MED27: variants seen among roughly 807,000 people sequenced by gnomAD.
The protein encoded by MED27 is mediator of RNA polymerase II transcription subunit 27.
In MED27, 30 loss-of-function variants were observed where a neutral mutation model predicts 38.2. That is an observed-to-expected ratio of 0.79 (90% confidence interval 0.59 to 1.07). MED27 has a LOEUF of 1.07. MED27 is among the 50% of genes least tolerant of loss of function. The pLI is 0.00. For missense variants in MED27, 289 were observed against 397.5 expected, an observed-to-expected ratio of 0.73 and a Z score of 2.32; for synonymous variants, 122 against 153.5, an observed-to-expected ratio of 0.79 and a Z score of 1.52.
chr9:132,072,176 G>A (rs1384236030), intron 2 of MED27, among the ~76,000 whole-genome samples: 4 of 152,192 alleles, frequency 2.6e-5, no homozygotes, highest in Non-Finnish European at 5.9e-5. Flanking sequence ...GTACTATCAC[G>A]ATGCCTGGTC....
Position 131,931,056 on chromosome 9 carries a change from G to C in MED27, c.573+8325C>G, listed in dbSNP as rs369387249. Among the ~76,000 whole-genome samples, 6 of 152,128 alleles carry C rather than the reference G, an allele frequency of 3.9e-5. No homozygotes were observed. The East Asian group carries it at 9.7e-4, about 25-fold the overall frequency. Reference sequence around the variant, plus strand: ...GCTCAGGAGTTCAAGATCAGCCTGGGTAACATGGTGAAACCTGTCTCTATC... The same window carrying C: ...GCTCAGGAGTTCAAGATCAGCCTGGCTAACATGGTGAAACCTGTCTCTATC... On this transcript the variant is annotated intron_variant, in intron 4 of 7. Transcript: ENST00000292035.
In MED27 at chr9:131,861,469, C is replaced by T. The variant is rs190472021; in HGVS notation, c.802-797G>A. Among the ~76,000 whole-genome samples, 21 of 152,260 alleles carry T rather than the reference C, an allele frequency of 1.4e-4. No homozygotes were observed. The highest frequency in any genetic ancestry group is 2.1e-4 in the South Asian group (1 of 4,822). On this transcript the variant is annotated intron_variant, in intron 7 of 7. Transcript: ENST00000292035. The surrounding 1 kb of genome is among the most constrained non-coding windows in gnomAD (Gnocchi z 4.4). ...AAAACTGTTATTTGAAGAGGTTGGC[C>T]GAGCTTATTGATACACATTCTTCCA... is the stretch of plus-strand genomic sequence containing the variant.
intron 3 of MED27, among the ~76,000 whole-genome samples, chr9:131,950,841 C>T (rs763482529): frequency 6.6e-5 from 10 of 152,132 alleles, no homozygotes; most frequent in African/African-American, 1.9e-4. Context: ...ATGTGGTGAA[C>T]GGGACTGATT....
chr9:132,055,227 TC>T (rs1833550761), intron 2 of MED27, among the ~76,000 whole-genome samples: 1 of 152,170 alleles, frequency 6.6e-6, no homozygotes. Context: ...TTCATTTCTG[TC>T]AGCAAACAGG....
At chr9:131,919,250 A>G (rs1341721588) in intron 4 of MED27, among the ~76,000 whole-genome samples, 1 of 152,234 alleles carries the variant, frequency 6.6e-6, no homozygotes, top group Admixed American at 6.5e-5. Context: ...TTAAGATGGA[A>G]GCATAGCACA....
chr9:131,920,468 C>T (rs1307012152), intron 4 of MED27, among the ~76,000 whole-genome samples: 2 of 152,194 alleles, frequency 1.3e-5, no homozygotes, highest in African/African-American at 4.8e-5. Context: ...CTACTATGTG[C>T]CAGGCATTCT....
chr9:131,983,127 G>A (rs7031925), intron 3 of MED27, among the ~76,000 whole-genome samples: 151,340 of 152,306 alleles, frequency 0.99, 75,196 homozygotes, highest in Middle Eastern at 1. Flanking sequence ...CATAATACTA[G>A]CCACTTTCTA....
intron 5 of MED27, among the ~76,000 whole-genome samples, chr9:131,885,623 T>A (rs748970532): frequency 7.9e-5 from 12 of 152,184 alleles, no homozygotes; most frequent in Non-Finnish European, 1.8e-4. Flanking sequence ...TCACACTTGG[T>A]CACACACAGG....
intron 4 of MED27, among the ~76,000 whole-genome samples, chr9:131,918,145 C>T (rs912789587): frequency 1.3e-5 from 2 of 152,188 alleles, no homozygotes; most frequent in Non-Finnish European, 2.9e-5. Flanking sequence ...ATGTTTTCCA[C>T]CTCTTTGGGA....
chr9:131,942,618 T>C (rs1564292357), intron 3 of MED27, among the ~76,000 whole-genome samples: 1 of 152,204 alleles, frequency 6.6e-6, no homozygotes, highest in African/African-American at 2.4e-5. Context: ...AATATGCAGA[T>C]CTTCAGCACA....
intron 3 of MED27, among the ~76,000 whole-genome samples, chr9:131,985,319 T>G (rs778744363): frequency 3.3e-5 from 5 of 152,218 alleles, no homozygotes; most frequent in Non-Finnish European, 7.3e-5. Context: ...TTTAGATATA[T>G]CTCCTGCTCC....
chr9:131,868,593 T>A (rs182654429), intron 6 of MED27: 12 of 985,450 alleles, frequency 1.2e-5, no homozygotes, highest in Non-Finnish European at 1.4e-5. Flanking sequence ...CTGATTTACA[T>A]TGGACAGAGG....
chr9:131,950,024 C>T (rs1182493003), intron 3 of MED27, among the ~76,000 whole-genome samples: 2 of 151,980 alleles, frequency 1.3e-5, no homozygotes, highest in African/African-American at 2.4e-5. Flanking sequence ...TACAAATTTA[C>T]TCAGGTATCT....
At chr9:132,032,851 C>T (rs1166310723) in intron 2 of MED27, among the ~76,000 whole-genome samples, 1 of 152,278 alleles carries the variant, frequency 6.6e-6, no homozygotes, top group African/African-American at 2.4e-5. Flanking sequence ...CACCTAGTCC[C>T]GCGCTCCACA....
intron 2 of MED27, among the ~76,000 whole-genome samples, chr9:132,025,026 G>C (rs1832788320): frequency 6.6e-6 from 1 of 151,672 alleles, no homozygotes; most frequent in African/African-American, 2.4e-5. Context: ...GGAAGTATGA[G>C]AAAAGGTAAT....
In MED27 at chr9:131,880,044, T is replaced by G. The variant is rs559070618; in HGVS notation, c.723+4014A>C. 7.2e-5 allele frequency among the ~76,000 whole-genome samples: 11 copies of G among 152,380 alleles called. No homozygotes were observed. The South Asian group carries it at 2.3e-3, about 32-fold the overall frequency. On this transcript the variant is annotated intron_variant, in intron 6 of 7. Coordinates refer to ENST00000292035, the MANE Select transcript of MED27 (RefSeq NM_004269.4). ...CCACCTCTGCACGTAGTGCAGGGCC[T>G]GGCAGTGGCACAGGGAGGTCTACCT...
chr9:132,052,592 T>C (rs550606949), intron 2 of MED27, among the ~76,000 whole-genome samples: 5 of 151,696 alleles, frequency 3.3e-5, no homozygotes, highest in Admixed American at 6.6e-5. Context: ...AAAAAAATAG[T>C]GGTTTCAGCG....
intron 4 of MED27, among the ~76,000 whole-genome samples, chr9:131,928,471 AG>A (rs1479260542): frequency 6.6e-6 from 1 of 152,240 alleles, no homozygotes; most frequent in Admixed American, 6.5e-5. Context: ...TGAAAAGAGG[AG>A]GAAAGACAGT....
rs141307740 is a variant in MED27 at position 132,077,677 on chromosome 9, C to T, written c.204-91G>A. 3.1e-5 allele frequency: 41 copies of T among 1,336,522 alleles called. No individual in the cohort carries two copies. The African/African-American group carries it at 5.0e-4, about 16-fold the overall frequency. The allele number at this position is 1,336,522 out of a possible 1,614,324, so 82.8% of individuals were successfully genotyped here. A position where few individuals can be genotyped will look rare whatever the true frequency, so the allele number is the denominator to read the frequency against. On this transcript the variant is annotated intron_variant, in intron 1 of 7. Transcript: ENST00000292035. ...CCAGGATCAAAGACTGCTCTTCAAA[C>T]CATCCATCAGAAGTCCCTTAAGAAG...
Sources: gnomAD v4.1 joint callset for allele counts (sites outside exome capture counted in the v4.1 genomes callset) on GRCh38, gnomAD v4.1.1 for gene constraint, Gnocchi (gnomAD v3.1) non-coding constraint, MANE v1.5 for transcripts, NCBI Gene and HGNC (gene_info 2026-07-23, HGNC 2026-07-21) for gene names.